The following ASMTL variants were observed in gnomAD, a reference collection of about 807,000 sequenced individuals.
ASMTL encodes the protein acetylserotonin O-methyltransferase like.
Under a neutral mutation model 60.3 loss-of-function variants are expected in ASMTL, and 57 were observed. That is an observed-to-expected ratio of 0.95 (90% CI 0.76 to 1.18). The LOEUF is 1.18. ASMTL is among the 50% of genes most tolerant of loss of function. The probability of loss-of-function intolerance (pLI) is 0.00; values close to 1 mark genes in which losing one functional copy is unlikely to be tolerated. For synonymous variants in ASMTL, 419 were observed against 373.0 expected, an observed-to-expected ratio of 1.12 and a Z score of -1.42; for missense variants, 981 against 852.6, an observed-to-expected ratio of 1.15 and a Z score of -1.88.
In ASMTL at chrX:1,450,279, C is replaced by T. The variant is rs772392865; in HGVS notation, c.93+2469G>A. Among the ~76,000 whole-genome samples, 12 of 152,012 alleles carry T rather than the reference C, an allele frequency of 7.9e-5. No homozygotes were observed. In the South Asian group the frequency reaches 2.3e-3, roughly 29 times the overall value. Reference sequence around the variant, plus strand: ...CCCACTACCTAGGCGTCCTACCACCCGGAATAAGATCCTCATGGGGGCACC... The same window carrying T: ...CCCACTACCTAGGCGTCCTACCACCTGGAATAAGATCCTCATGGGGGCACC... On this transcript the variant is annotated intron_variant, in intron 1 of 12. Coordinates refer to ENST00000381317, the MANE Select transcript of ASMTL (RefSeq NM_004192.4).
Position 1,421,663 on chromosome X carries a change from A to G in ASMTL, c.1240T>C (p.Phe414Leu). 1.9e-6 allele frequency: 3 copies of G among 1,613,832 alleles called. No homozygotes were observed. The highest frequency in any genetic ancestry group is 2.5e-6 in the Non-Finnish European group (3 of 1,179,836). ...CCGCGGGGGTGTTATGCTACCTGGA[A>G]CAGATCTTCCGCCTTCTTCCCCAAC... Reference protein sequence around the residue: ...RALGKKAEDLFQDAYYQSPET... With the variant: ...RALGKKAEDLLQDAYYQSPET... Residue 414 changes from phenylalanine to leucine, a missense_variant, in exon 9 of 13, where the codon TTC (phenylalanine) becomes CTC (leucine). Phe to Leu is a conservative substitution (Grantham distance 22, BLOSUM62 0). Transcript: ENST00000381317.
Position 1,427,762 on chromosome X carries a change from T to C in ASMTL, c.869A>G (p.Glu290Gly), listed in dbSNP as rs758604258. The C allele has an allele frequency of 3.1e-6, 5 of 1,612,440 alleles. No individual in the cohort carries two copies. Among genetic ancestry groups the C allele is most frequent in the South Asian group, 1.1e-5 (1 of 90,994 alleles). ...GGATAGCATAAAGCCCTCAATCAGC[T>C]CCAGGAGGCGTGTCGGGAACGGAGG... ...TLPPFPTRLLELIEGFMLSKG... is the reference protein window; with the variant it reads ...TLPPFPTRLLGLIEGFMLSKG... Residue 290 changes from glutamate to glycine, a missense_variant, in exon 7 of 13, where the codon GAG becomes GGG. Glu to Gly is a moderately conservative substitution (Grantham distance 98). Transcript: ENST00000381317.
Position 1,433,405 on chromosome X carries a change from C to T in ASMTL, c.401-1028G>A, listed in dbSNP as rs1472875583. Among the ~76,000 whole-genome samples, 6 of 150,168 alleles carry T rather than the reference C, an allele frequency of 4.0e-5. No individual in the cohort carries two copies. In the South Asian group the frequency reaches 6.3e-4, roughly 16 times the overall value. Reference sequence around the variant, plus strand: ...AAGGGACCGCGCGCGGTGGCTCACGCCTGTCATCCCAGCACTTTGGGAGGC... The same window carrying T: ...AAGGGACCGCGCGCGGTGGCTCACGTCTGTCATCCCAGCACTTTGGGAGGC... On this transcript the variant is annotated intron_variant, in intron 5 of 12. Coordinates refer to ENST00000381317, the MANE Select transcript of ASMTL (RefSeq NM_004192.4).
chrX:1,407,707 G>A (rs1350787038), intron 12 of ASMTL, among the ~76,000 whole-genome samples: 2 of 151,734 alleles, frequency 1.3e-5, no homozygotes, highest in Non-Finnish European at 2.9e-5. Context: ...AACATAGTGA[G>A]ACCCTGTCTC....
At chrX:1,448,891 A>G (rs1260116478) in intron 1 of ASMTL, among the ~76,000 whole-genome samples, 2 of 152,232 alleles carry the variant, frequency 1.3e-5, no homozygotes, top group African/African-American at 4.8e-5. Flanking sequence ...CATCTTGGAC[A>G]AGCATTGCCA....
chrX:1,415,905 G>T (rs1457158148), intron 11 of ASMTL, among the ~76,000 whole-genome samples: 3 of 151,780 alleles, frequency 2.0e-5, no homozygotes, highest in African/African-American at 7.3e-5. Context: ...CAGACACAAA[G>T]GCACACATGC....
intron 6 of ASMTL, among the ~76,000 whole-genome samples, chrX:1,428,389 C>A (rs1182695684): frequency 5.3e-5 from 8 of 151,550 alleles, no homozygotes; most frequent in Non-Finnish European, 5.9e-5. Flanking sequence ...CGGCTGTAAT[C>A]CCAGCACTTT....
At chrX:1,439,639 G>A (rs1265203692) in intron 2 of ASMTL, among the ~76,000 whole-genome samples, 1 of 152,050 alleles carries the variant, frequency 6.6e-6, no homozygotes, top group Non-Finnish European at 1.5e-5. Context: ...CTGAGGTCAG[G>A]AGTTCGAGAC....
Position 1,443,594 on chromosome X carries a change from TTGGACAGACACCGCCATCG to T in ASMTL, c.94-1296_94-1278del, listed in dbSNP as rs1569534778. On this transcript the variant is annotated intron_variant, in intron 1 of 12. Coordinates refer to ENST00000381317, the MANE Select transcript of ASMTL (RefSeq NM_004192.4). ...GCCATCATGGACACACACCGCCATC[TTGGACAGACACCGCCATCG>T]TGGACAGACACCGCCATCGTGGACA... is the stretch of plus-strand genomic sequence containing the variant. Among the ~76,000 whole-genome samples the T allele has an allele frequency of 8.1e-3, 356 of 43,918 alleles. 6 individuals carry two copies. Among genetic ancestry groups the T allele is most frequent in the African/African-American group, 0.024 (314 of 12,852 alleles). 28.8% of individuals were successfully genotyped at this position (43,918 alleles called of 152,430 possible). A position where few individuals can be genotyped will look rare whatever the true frequency, so the allele number is the denominator to read the frequency against.
chrX:1,425,080 A>G (rs1227798103), intron 8 of ASMTL, among the ~76,000 whole-genome samples: 10 of 151,840 alleles, frequency 6.6e-5, no homozygotes, highest in Admixed American at 1.3e-4. Flanking sequence ...ATCCATTTAT[A>G]TATCAACTCT....
rs765362924 is a variant in ASMTL at position 1,432,465 on chromosome X, T to C, written c.401-88A>G. 1.8e-4 allele frequency: 172 copies of C among 947,656 alleles called. 1 individual carries two copies. The highest frequency in any genetic ancestry group is 1.8e-3 in the African/African-American group (113 of 62,296). The allele number at this position is 947,656 out of a possible 1,614,324, so 58.7% of individuals were successfully genotyped here. On this transcript the variant is annotated intron_variant, in intron 5 of 12. Coordinates refer to ENST00000381317, the MANE Select transcript of ASMTL (RefSeq NM_004192.4). Reference sequence around the variant, plus strand: ...GCTGCGTGGCTGTGCTGTGGAGGTGTGTACTCGAGCGCAGCGCACAGTTCA... The same window carrying C: ...GCTGCGTGGCTGTGCTGTGGAGGTGCGTACTCGAGCGCAGCGCACAGTTCA...
At chrX:1,440,332 C>T (rs1224179076) in intron 2 of ASMTL, among the ~76,000 whole-genome samples, 27 of 151,948 alleles carry the variant, frequency 1.8e-4, no homozygotes, top group Admixed American at 3.9e-4. Flanking sequence ...CCTCGTGATC[C>T]GCCCGCCTCG....
chrX:1,412,795 GC>G lies in ASMTL; in HGVS notation c.1581del (p.His528MetfsTer43). 1 of 1,613,976 alleles carries G rather than the reference GC, an allele frequency of 6.2e-7. No homozygotes were observed. The highest frequency in any genetic ancestry group is 8.5e-7 in the Non-Finnish European group (1 of 1,179,854). The part of the protein sequence containing the change: ...SAELYVLCRI[L>X]HDWPDDKVHK... ...TGGACTTTGTCGTCTGGCCAGTCAT[GC>G]AGGATCCGGCACAGGACGTACAGCT... On this transcript the variant is annotated frameshift_variant, in exon 12 of 13. Coordinates refer to ENST00000381317, the MANE Select transcript of ASMTL (RefSeq NM_004192.4). LOFTEE classifies it high-confidence loss of function.
intron 9 of ASMTL, 101 bp from the exon 10 acceptor site, chrX:1,419,215 G>T: frequency 7.1e-7 from 1 of 1,399,564 alleles, no homozygotes; most frequent in Non-Finnish European, 9.8e-7. Flanking sequence ...GCTCCAGAGC[G>T]TGGGGGCTCA....
intron 11 of ASMTL, among the ~76,000 whole-genome samples, chrX:1,415,738 T>G (rs1226289591): frequency 6.6e-6 from 1 of 152,212 alleles, no homozygotes; most frequent in African/African-American, 2.4e-5. Context: ...AGTGCTGGGA[T>G]TACAGGCGTG....
chrX:1,424,965 TCC>T (rs1211114999), intron 8 of ASMTL, among the ~76,000 whole-genome samples: 8 of 100,864 alleles, frequency 7.9e-5, no homozygotes, highest in East Asian at 3.7e-4. Flanking sequence ...CATCCATCCA[TCC>T]ATCCCTCCTC....
At chrX:1,417,150 A>G (rs2090314884) in intron 11 of ASMTL, among the ~76,000 whole-genome samples, 1 of 151,490 alleles carries the variant, frequency 6.6e-6, no homozygotes, top group South Asian at 2.1e-4. Flanking sequence ...CACAGCAGTC[A>G]CATATGCACA....
At chrX:1,418,193 C>G (rs1382037826) in intron 10 of ASMTL, 77 bp from the exon 11 acceptor site, 14 of 1,477,666 alleles carry the variant, frequency 9.5e-6, no homozygotes, top group Non-Finnish European at 1.3e-5. Context: ...TCAACTGGGG[C>G]AGAAGTAATG....
At chrX:1,443,027 A>G (rs776374006) in intron 1 of ASMTL, among the ~76,000 whole-genome samples, 87 of 147,638 alleles carry the variant, frequency 5.9e-4, no homozygotes, top group Non-Finnish European at 1.1e-3. Context: ...TTGGAGAGAC[A>G]CCACCATCTT....
Sources: allele counts gnomAD v4.1 joint callset (sites outside exome capture counted in the v4.1 genomes callset), GRCh38; gene constraint gnomAD v4.1.1; transcripts MANE v1.5; gene names NCBI Gene and HGNC (gene_info 2026-07-23, HGNC 2026-07-21).